The following CLMP variants were observed in gnomAD, a reference collection of about 807,000 sequenced individuals.
CLMP encodes CXADR like cell adhesion molecule.
Under a neutral mutation model 45.2 loss-of-function variants are expected in CLMP, and 27 were observed. The observed-to-expected ratio is 0.60, with a 90% CI of 0.44 to 0.82. The LOEUF (loss-of-function observed/expected upper bound fraction) is 0.82. Ranked by LOEUF, CLMP falls within the 40% of genes least tolerant of loss-of-function variation. The probability of loss-of-function intolerance (pLI) is 0.00; values close to 1 mark genes in which losing one functional copy is unlikely to be tolerated. For missense variants in CLMP, 403 were observed against 448.4 expected (o/e 0.90, Z 0.91); for synonymous variants, 167 against 171.4 (o/e 0.97, Z 0.20).
At position 123,069,938 on chromosome 11, in the gene CLMP, T is replaced by A. The variant is rs893322820; in HGVS notation, c.*3536A>T. 4.6e-5 allele frequency: 7 copies of A among 152,214 alleles called. No individual in the cohort carries two copies. The highest frequency in any genetic ancestry group is 1.7e-4 in the African/African-American group (7 of 41,454). The allele number at this position is 152,214 out of a possible 1,614,324, so 9.4% of individuals were successfully genotyped here. On this transcript the variant is annotated 3_prime_UTR_variant, in exon 7 of 7. Transcript: ENST00000448775. ...ATCCATAATAAATATTTGGTTTTTG[T>A]GATGCTGAAACACAGTCCCAATTAC... is the stretch of plus-strand genomic sequence containing the variant.
intron 1 of CLMP, among the ~76,000 whole-genome samples, chr11:123,110,732 T>A (rs1860626825): frequency 6.6e-6 from 1 of 152,142 alleles, no homozygotes; most frequent in Non-Finnish European, 1.5e-5. Context: ...GGGTTAGTTT[T>A]AGAGGAGGAG....
At chr11:123,153,166 T>C (rs11824132) in intron 1 of CLMP, among the ~76,000 whole-genome samples, 52,116 of 151,844 alleles carry the variant, frequency 0.34, 9,199 homozygotes, top group African/African-American at 0.43. Context: ...GGTTTCCGGG[T>C]CTGTGTTGCA....
At chr11:123,105,771 C>T (rs1860536081) in intron 1 of CLMP, among the ~76,000 whole-genome samples, 1 of 151,612 alleles carries the variant, frequency 6.6e-6, no homozygotes, top group Non-Finnish European at 1.5e-5. Flanking sequence ...CCTTAAGACC[C>T]CCTTCAAAGA....
intron 1 of CLMP, among the ~76,000 whole-genome samples, chr11:123,126,700 A>T (rs1220184147): frequency 6.6e-6 from 1 of 152,156 alleles, no homozygotes; most frequent in East Asian, 1.9e-4. Flanking sequence ...GATCGAGACC[A>T]TCCTGGCAAA....
rs551874013 is a variant in CLMP, at chr11:123,073,416, G to A, written c.*58C>T. The A allele has an allele frequency of 3.9e-6, 6 of 1,529,812 alleles. No individual in the cohort carries two copies. In the East Asian group the frequency reaches 6.8e-5, roughly 17 times the overall value. 94.8% of individuals were successfully genotyped at this position (1,529,812 alleles called of 1,614,324 possible). On this transcript the variant is annotated 3_prime_UTR_variant, in exon 7 of 7. Coordinates refer to ENST00000448775, the MANE Select transcript of CLMP (RefSeq NM_024769.5). ...GGCTGGTGACTTGAGCTCCAATGACGAGAAGAGTCCAAAGACCCTGACTCC... is the reference window on the plus strand; with the variant it reads ...GGCTGGTGACTTGAGCTCCAATGACAAGAAGAGTCCAAAGACCCTGACTCC...
intron 1 of CLMP, among the ~76,000 whole-genome samples, chr11:123,174,178 G>A (rs1203845594): frequency 1.3e-5 from 2 of 152,096 alleles, no homozygotes; most frequent in African/African-American, 4.8e-5. Context: ...CTTACATAGA[G>A]GCCAAGACAT....
At chr11:123,141,263 C>A (rs906560446) in intron 1 of CLMP, among the ~76,000 whole-genome samples, 16 of 139,914 alleles carry the variant, frequency 1.1e-4, no homozygotes, top group South Asian at 2.4e-4. Flanking sequence ...CGGCTCACTG[C>A]AACCTCCGCC....
intron 1 of CLMP, among the ~76,000 whole-genome samples, chr11:123,189,610 C>T (rs1392638054): frequency 6.6e-6 from 1 of 152,192 alleles, no homozygotes; most frequent in African/African-American, 2.4e-5. Flanking sequence ...ATATACATCT[C>T]ATATTTCAAA....
intron 1 of CLMP, among the ~76,000 whole-genome samples, chr11:123,117,080 C>A (rs1860730395): frequency 6.6e-6 from 1 of 152,174 alleles, no homozygotes; most frequent in South Asian, 2.1e-4. Flanking sequence ...GAAACACCAT[C>A]TCTACTAAAA....
At chr11:123,089,607 T>C (rs1043754400) in intron 2 of CLMP, among the ~76,000 whole-genome samples, 12 of 149,816 alleles carry the variant, frequency 8.0e-5, no homozygotes, top group Admixed American at 1.3e-4. Flanking sequence ...CTACTAAAAA[T>C]ACAAAAAATT....
chr11:123,185,682 C>T (rs12420454), intron 1 of CLMP, among the ~76,000 whole-genome samples: 2,751 of 152,266 alleles, frequency 0.018, 122 homozygotes, highest in Admixed American at 0.096. Context: ...GCTGAAAACC[C>T]GGACTCTGCC....
At chr11:123,086,366 G>C (rs1413502919) in intron 2 of CLMP, among the ~76,000 whole-genome samples, 1 of 152,210 alleles carries the variant, frequency 6.6e-6, no homozygotes, top group Non-Finnish European at 1.5e-5. Context: ...GAGGCAAGGA[G>C]AAAAGGCCTG....
chr11:123,130,360 T>C lies in CLMP; in HGVS notation c.29-32408A>G, dbSNP rs375977783. On this transcript the variant is annotated intron_variant, in intron 1 of 6. Coordinates refer to ENST00000448775, the MANE Select transcript of CLMP (RefSeq NM_024769.5). ...GAGCTCCCTGGGAGGTGCTGGGAAA[T>C]GGCCCCAGGACCATCAAGGCTTTGC... 4.9e-4 allele frequency among the ~76,000 whole-genome samples: 75 copies of C among 152,174 alleles called. 2 individuals carry two copies. In the South Asian group the frequency reaches 0.015, roughly 31 times the overall value.
rs191188484 is a variant in CLMP at position 123,109,073 on chromosome 11, A to G, written c.29-11121T>C. The stretch of plus-strand genomic sequence containing the variant: ...AAACTCTGTCTCAAAAAAAAAAAAA[A>G]AAAAAAAGAAAGAAAGAAAAAAAAT... On this transcript the variant is annotated intron_variant, in intron 1 of 6. Transcript: ENST00000448775. Among the ~76,000 whole-genome samples the G allele has an allele frequency of 9.4e-4, 142 of 151,674 alleles. 1 individual carries two copies. The highest frequency in any genetic ancestry group is 3.2e-3 in the African/African-American group (134 of 41,420).
At chr11:123,176,561 C>A (rs1861702729) in intron 1 of CLMP, among the ~76,000 whole-genome samples, 1 of 152,174 alleles carries the variant, frequency 6.6e-6, no homozygotes, top group Non-Finnish European at 1.5e-5. Flanking sequence ...GATTCCACCC[C>A]CATGCTGGTA....
chr11:123,072,522 C>T lies in CLMP; in HGVS notation c.*952G>A, dbSNP rs1865683884. The T allele has an allele frequency of 6.6e-6, 1 of 152,162 alleles. No individual in the cohort carries two copies. Among genetic ancestry groups the T allele is most frequent in the South Asian group, 2.1e-4 (1 of 4,832 alleles). 9.4% of individuals were successfully genotyped at this position (152,162 alleles called of 1,614,324 possible). ...TTGCAATTCTGGTTTCACATTTTCT[C>T]AGAAAGAAGAGACTATAATGGTATG... is the stretch of plus-strand genomic sequence containing the variant. On this transcript the variant is annotated 3_prime_UTR_variant, in exon 7 of 7. Transcript: ENST00000448775.
chr11:123,102,980 G>A (rs527722696), intron 1 of CLMP, among the ~76,000 whole-genome samples: 4 of 152,158 alleles, frequency 2.6e-5, no homozygotes, highest in East Asian at 3.9e-4. Context: ...GTCTCACACT[G>A]CAGGTGTTCA....
chr11:123,156,519 C>T (rs1861416692), intron 1 of CLMP, among the ~76,000 whole-genome samples: 1 of 152,064 alleles, frequency 6.6e-6, no homozygotes, highest in Admixed American at 6.6e-5. Context: ...TTGTTTTACG[C>T]CATTAAGTGG....
chr11:123,089,561 C>G (rs531304714), intron 2 of CLMP, among the ~76,000 whole-genome samples: 1 of 151,202 alleles, frequency 6.6e-6, no homozygotes, highest in South Asian at 2.1e-4. Context: ...GTCAGGAGAT[C>G]AAGACCATCC....
Sources: allele counts gnomAD v4.1 joint callset (sites outside exome capture counted in the v4.1 genomes callset), GRCh38; gene constraint gnomAD v4.1.1; transcripts MANE v1.5; gene names NCBI Gene and HGNC (gene_info 2026-07-23, HGNC 2026-07-21).